GALNT7: variants seen among roughly 807,000 people sequenced by gnomAD.
GALNT7 encodes polypeptide N-acetylgalactosaminyltransferase 7.
A neutral mutation model predicts 82.1 loss-of-function variants in GALNT7; 60 were observed. The ratio of observed to expected loss-of-function variants is 0.73; its 90% confidence interval spans 0.59 to 0.91. The LOEUF is 0.91. Ranked by LOEUF, GALNT7 falls within the 40% of genes least tolerant of loss-of-function variation. The pLI is 0.00. For synonymous variants in GALNT7, 243 were observed against 275.1 expected (o/e 0.88, Z 1.15); for missense variants, 660 against 804.2 (o/e 0.82, Z 2.17).
chr4:173,256,404 C>A (rs752678622), intron 2 of GALNT7, among the ~76,000 whole-genome samples: 1 of 152,160 alleles, frequency 6.6e-6, no homozygotes. Flanking sequence ...GACTGTCATA[C>A]GAAATGCAAA....
chr4:173,232,285 C>T (rs1194891085), intron 1 of GALNT7, among the ~76,000 whole-genome samples: 1 of 151,624 alleles, frequency 6.6e-6, no homozygotes, highest in African/African-American at 2.4e-5. Context: ...AAAAAAAAAT[C>T]CCTGACATAT....
chr4:173,185,647 A>C (rs1354142914), intron 1 of GALNT7, among the ~76,000 whole-genome samples: 2 of 152,232 alleles, frequency 1.3e-5, no homozygotes, highest in Non-Finnish European at 2.9e-5. Context: ...TAGGAATACT[A>C]AATTCAGAAC....
At chr4:173,191,299 A>G (rs1732621932) in intron 1 of GALNT7, among the ~76,000 whole-genome samples, 1 of 151,946 alleles carries the variant, frequency 6.6e-6, no homozygotes, top group Admixed American at 6.6e-5. Flanking sequence ...GGGGAGTAGG[A>G]GTAGGCTTGA....
At chr4:173,301,437 C>G (rs901565938) in intron 6 of GALNT7, among the ~76,000 whole-genome samples, 2 of 152,042 alleles carry the variant, frequency 1.3e-5, no homozygotes, top group African/African-American at 4.8e-5. Context: ...TTCAAGAAGC[C>G]CCACAGATAC....
chr4:173,208,948 T>G (rs750540090), intron 1 of GALNT7, among the ~76,000 whole-genome samples: 20 of 152,274 alleles, frequency 1.3e-4, no homozygotes, highest in Non-Finnish European at 2.8e-4. Context: ...CTTCTTACTT[T>G]GAAATCTTTG....
chr4:173,256,672 C>T (rs375190095), intron 2 of GALNT7, among the ~76,000 whole-genome samples: 4 of 151,798 alleles, frequency 2.6e-5, no homozygotes, highest in Non-Finnish European at 4.4e-5. Flanking sequence ...ACTACATATA[C>T]GAGGCAGAAA....
chr4:173,272,609 A>G (rs981942318), intron 2 of GALNT7, among the ~76,000 whole-genome samples: 2 of 152,354 alleles, frequency 1.3e-5, no homozygotes, highest in South Asian at 2.1e-4. Context: ...GCAGAGATGT[A>G]AAAAGATAAG....
chr4:173,168,987 G>A, intron 1 of GALNT7, 26 bp downstream of exon 1: 1 of 1,607,886 alleles, frequency 6.2e-7, no homozygotes, highest in South Asian at 1.1e-5. Flanking sequence ...GGCCCCCTCC[G>A]GCGGCAGCGA....
At chr4:173,308,939 C>T (rs1737269851) in intron 8 of GALNT7, among the ~76,000 whole-genome samples, 2 of 152,120 alleles carry the variant, frequency 1.3e-5, no homozygotes, top group Non-Finnish European at 1.5e-5. Flanking sequence ...CCCACTGACT[C>T]TTTTCATTGT....
At chr4:173,290,383 C>T (rs990178183) in intron 2 of GALNT7, among the ~76,000 whole-genome samples, 1 of 152,146 alleles carries the variant, frequency 6.6e-6, no homozygotes, top group Non-Finnish European at 1.5e-5. Context: ...TATACGTACT[C>T]ATCTGAACAT....
chr4:173,275,199 GT>G (rs1331248766), intron 2 of GALNT7, among the ~76,000 whole-genome samples: 1 of 152,160 alleles, frequency 6.6e-6, no homozygotes, highest in African/African-American at 2.4e-5. Context: ...GTATTCGAAC[GT>G]TTCTGTCCCA....
chr4:173,297,602 A>T (rs1004220132), intron 5 of GALNT7, among the ~76,000 whole-genome samples: 2 of 152,198 alleles, frequency 1.3e-5, no homozygotes, highest in African/African-American at 2.4e-5. Context: ...CCTAGGGGGA[A>T]GTCTCCTCTC....
At chr4:173,200,909 A>T (rs1732925903) in intron 1 of GALNT7, among the ~76,000 whole-genome samples, 1 of 152,174 alleles carries the variant, frequency 6.6e-6, no homozygotes, top group Non-Finnish European at 1.5e-5. Flanking sequence ...AAATAGAGAG[A>T]TTTATCACTG....
chr4:173,322,529 G>A lies in GALNT7; in HGVS notation c.*812G>A, dbSNP rs1014345534. 34 of 152,100 alleles carry A rather than the reference G, an allele frequency of 2.2e-4. No homozygotes were observed. Among genetic ancestry groups the A allele is most frequent in the African/African-American group, 8.2e-4 (34 of 41,414 alleles). 9.4% of individuals were successfully genotyped at this position (152,100 alleles called of 1,614,324 possible). ...TGCCCTCTGTCCATACCTACTTCTAGGATTGCAAAGGAGTCTTCCAACTAG... is the reference window on the plus strand; with the variant it reads ...TGCCCTCTGTCCATACCTACTTCTAAGATTGCAAAGGAGTCTTCCAACTAG... On this transcript the variant is annotated 3_prime_UTR_variant, in exon 12 of 12. Coordinates refer to ENST00000265000, the MANE Select transcript of GALNT7 (RefSeq NM_017423.3).
At chr4:173,229,313 C>T (rs1733946073) in intron 1 of GALNT7, among the ~76,000 whole-genome samples, 1 of 151,950 alleles carries the variant, frequency 6.6e-6, no homozygotes. Context: ...ATTATGAATT[C>T]TAGTTAGTAG....
chr4:173,197,772 G>C (rs1252059247), intron 1 of GALNT7, among the ~76,000 whole-genome samples: 2 of 152,084 alleles, frequency 1.3e-5, no homozygotes, highest in Non-Finnish European at 2.9e-5. Flanking sequence ...GAAGACGTGG[G>C]GTGCAATAAT....
chr4:173,282,664 C>T (rs1158593400), intron 2 of GALNT7, among the ~76,000 whole-genome samples: 1 of 152,022 alleles, frequency 6.6e-6, no homozygotes, highest in African/African-American at 2.4e-5. Context: ...AAAAAAGGTG[C>T]GTTTAATGTG....
chr4:173,256,844 C>A (rs926200818), intron 2 of GALNT7, among the ~76,000 whole-genome samples: 3 of 152,076 alleles, frequency 2.0e-5, no homozygotes, highest in Non-Finnish European at 4.4e-5. Flanking sequence ...GCTGGTAAAC[C>A]AAGCATAAAC....
intron 2 of GALNT7, among the ~76,000 whole-genome samples, chr4:173,258,729 C>T (rs550432626): frequency 4.6e-5 from 7 of 152,228 alleles, no homozygotes; most frequent in South Asian, 4.2e-4. Flanking sequence ...TCACGTAACT[C>T]GAAGATGGAG....
Sources: allele counts gnomAD v4.1 joint callset (sites outside exome capture counted in the v4.1 genomes callset), GRCh38; gene constraint gnomAD v4.1.1; transcripts MANE v1.5; gene names NCBI Gene and HGNC (gene_info 2026-07-23, HGNC 2026-07-21).